ANKRD27: variants seen among roughly 807,000 people sequenced by gnomAD.
The protein encoded by ANKRD27 is ankyrin repeat domain-containing protein 27.
Under a neutral mutation model 129.7 loss-of-function variants are expected in ANKRD27, and 112 were observed. The observed-to-expected ratio is 0.86, with a 90% CI of 0.74 to 1.01. ANKRD27 has a LOEUF of 1.01. Among genes scored for constraint, ANKRD27 ranks in the 50% least tolerant of loss-of-function variants. The pLI is 0.00. For missense variants in ANKRD27, 1,258 were observed against 1,300.5 expected (o/e 0.97, Z 0.50); for synonymous variants, 516 against 511.2 (o/e 1.01, Z -0.13).
At chr19:32,651,462 C>G (rs1967414869) in intron 2 of ANKRD27, among the ~76,000 whole-genome samples, 1 of 152,084 alleles carries the variant, frequency 6.6e-6, no homozygotes, top group Non-Finnish European at 1.5e-5. Flanking sequence ...TTCCGCCTCC[C>G]GGATTCACAC....
chr19:32,643,608 G>C lies in ANKRD27; in HGVS notation c.549C>G (p.Thr183=). ...CCCTCAGAAGCTGCTGGAGGCATTT[G>C]GTGTAGAGAGCATTCGCTGAGTCCT... ...HHIDSANALY[T]KCLQQLLRDS... Residue 183 remains threonine (T), a synonymous_variant, in exon 6 of 29, where the codon ACC becomes ACG. Coordinates refer to ENST00000306065, the MANE Select transcript of ANKRD27 (RefSeq NM_032139.3). 1 of 1,614,008 alleles carries C rather than the reference G, an allele frequency of 6.2e-7. No individual in the cohort carries two copies. The highest frequency in any genetic ancestry group is 8.5e-7 in the Non-Finnish European group (1 of 1,180,034).
At position 32,607,730 on chromosome 19, in the gene ANKRD27, T is replaced by A. The variant is rs770026350; in HGVS notation, c.2278A>T (p.Ile760Phe). The change falls in exon 23 of 29, where the codon ATC (isoleucine) becomes TTC (phenylalanine). Residue 760 changes from isoleucine (I) to phenylalanine (F), a missense_variant. Coordinates refer to ENST00000306065, the MANE Select transcript of ANKRD27 (RefSeq NM_032139.3). ...VAALHGRADL[I>F]PLLLKHGANA... Reference sequence around the variant, plus strand: ...GCCCCGTGCTTCAGCAGGAGGGGGATGAGGTCCGCCCGGCCGTGCAGGGCG... The same window carrying A: ...GCCCCGTGCTTCAGCAGGAGGGGGAAGAGGTCCGCCCGGCCGTGCAGGGCG... 6.2e-7 allele frequency: 1 copy of A among 1,612,990 alleles called. No homozygotes were observed. Among genetic ancestry groups the A allele is most frequent in the Non-Finnish European group, 8.5e-7 (1 of 1,179,658 alleles).
chr19:32,598,304 G>A lies in ANKRD27; in HGVS notation c.2994C>T (p.Gly998=). 6.2e-7 allele frequency: 1 copy of A among 1,614,168 alleles called. No homozygotes were observed. The highest frequency in any genetic ancestry group is 1.1e-5 in the South Asian group (1 of 91,088). ...AQSGSHAAEK[G]NSDWPERPGL... is the part of the protein sequence containing the mutation. ...CAGGCCTCTCTGGCCAGTCGCTGTT[G>A]CCTTTCTCAGCAGCATGAGATCCAC... is the stretch of plus-strand genomic sequence containing the variant. Residue 998 remains glycine (G), a synonymous_variant, in exon 29 of 29, where the codon GGC becomes GGT. Transcript: ENST00000306065.
chr19:32,608,185 T>A (rs4328563), intron 22 of ANKRD27, among the ~76,000 whole-genome samples: 83,098 of 148,812 alleles, frequency 0.56, 24,084 homozygotes, highest in Non-Finnish European at 0.65. Flanking sequence ...TTTTTTTTTT[T>A]TTTTTTGTAG....
At chr19:32,664,179 C>T (rs7248975) in intron 1 of ANKRD27, among the ~76,000 whole-genome samples, 15,581 of 151,264 alleles carry the variant, frequency 0.1, 2,537 homozygotes, top group African/African-American at 0.34. Flanking sequence ...TTTTTAGAGA[C>T]GGGGTCTTGC....
chr19:32,627,166 C>A (rs1966899002), intron 15 of ANKRD27, among the ~76,000 whole-genome samples: 1 of 152,022 alleles, frequency 6.6e-6, no homozygotes, highest in Admixed American at 6.6e-5. Context: ...TAAACATATT[C>A]TTGCATAGTG....
In ANKRD27 at chr19:32,639,495, A is replaced by T; in HGVS notation, c.984-7T>A. ...GTAACTCAAATTTGCCATCCTAATG[A>T]AAGGAAGAAAAAAGTTATGTTGTTG... On this transcript the variant is annotated splice_region_variant and splice_polypyrimidine_tract_variant and intron_variant, in intron 11 of 28. Coordinates refer to ENST00000306065, the MANE Select transcript of ANKRD27 (RefSeq NM_032139.3). 6.2e-7 allele frequency: 1 copy of T among 1,610,832 alleles called. No homozygotes were observed. Among genetic ancestry groups the T allele is most frequent in the South Asian group, 1.1e-5 (1 of 90,598 alleles).
intron 26 of ANKRD27, among the ~76,000 whole-genome samples, chr19:32,600,559 C>T (rs539460969): frequency 2.0e-5 from 3 of 152,152 alleles, no homozygotes; most frequent in South Asian, 4.2e-4. Flanking sequence ...GCTACAAAAT[C>T]CGAGACATTT....
At chr19:32,641,618 T>A (rs543991809) in intron 10 of ANKRD27, among the ~76,000 whole-genome samples, 5 of 152,242 alleles carry the variant, frequency 3.3e-5, no homozygotes, top group African/African-American at 1.2e-4. Flanking sequence ...TAAACAGCTA[T>A]CCCCCATTCT....
chr19:32,633,152 G>A (rs1967028682), intron 12 of ANKRD27, among the ~76,000 whole-genome samples: 1 of 152,136 alleles, frequency 6.6e-6, no homozygotes, highest in South Asian at 2.1e-4. Context: ...AGACAGGTAG[G>A]TCTCCCAAGA....
intron 23 of ANKRD27, among the ~76,000 whole-genome samples, chr19:32,607,203 T>G (rs1971757364): frequency 6.9e-6 from 1 of 144,564 alleles, no homozygotes; most frequent in Non-Finnish European, 1.5e-5. Context: ...AGTTAATCAC[T>G]CCAAAATTCA....
intron 1 of ANKRD27, among the ~76,000 whole-genome samples, chr19:32,673,848 C>T (rs1353446336): frequency 6.6e-6 from 1 of 152,042 alleles, no homozygotes; most frequent in East Asian, 1.9e-4. Flanking sequence ...GATCTCGAAA[C>T]GTAACAGCTA....
chr19:32,613,195 T>TA (rs1229196161), intron 22 of ANKRD27, among the ~76,000 whole-genome samples: 1 of 152,118 alleles, frequency 6.6e-6, no homozygotes, highest in Non-Finnish European at 1.5e-5. Flanking sequence ...CATCAGCCAT[T>TA]AGAGAAATGC....
At chr19:32,643,689 AGCCGGAGCGGGTAAG>A in intron 5 of ANKRD27, 58 bp from the exon 6 acceptor site, 1 of 1,581,526 alleles carries the variant, frequency 6.3e-7, no homozygotes, top group Non-Finnish European at 8.7e-7. Context: ...ATGACGGGGG[AGCCGGAGCGGGTAAG>A]GCGCACAGAG....
chr19:32,671,936 T>C (rs1967878312), intron 1 of ANKRD27, among the ~76,000 whole-genome samples: 2 of 152,164 alleles, frequency 1.3e-5, no homozygotes, highest in African/African-American at 2.4e-5. Flanking sequence ...AGGAGAGCCA[T>C]GTGAGGCCTC....
chr19:32,656,067 G>GAAAAGAAAGA (rs145882665), intron 2 of ANKRD27, among the ~76,000 whole-genome samples: 43 of 50,826 alleles, frequency 8.5e-4, no homozygotes, highest in South Asian at 7.7e-3. Context: ...AGAAAAGAAA[G>GAAAAGAAAGA]AAAGAAAGAA....
At chr19:32,614,423 G>A (rs1161858405) in intron 22 of ANKRD27, among the ~76,000 whole-genome samples, 1 of 152,052 alleles carries the variant, frequency 6.6e-6, no homozygotes, top group Non-Finnish European at 1.5e-5. Flanking sequence ...GAACAAGGAG[G>A]CCAGGCGCAG....
chr19:32,648,079 A>G (rs1429672355), intron 3 of ANKRD27, among the ~76,000 whole-genome samples: 1 of 152,142 alleles, frequency 6.6e-6, no homozygotes, highest in Non-Finnish European at 1.5e-5. Flanking sequence ...CAGCCTGGCT[A>G]ATATGGTGAA....
chr19:32,606,060 A>C (rs1971730182), intron 23 of ANKRD27, 106 bp from the exon 24 acceptor site: 1 of 1,081,912 alleles, frequency 9.2e-7, no homozygotes, highest in East Asian at 3.4e-5. Context: ...ATAAGAAAAC[A>C]AAGTTTCTGG....
Sources: gnomAD v4.1 joint callset for allele counts (sites outside exome capture counted in the v4.1 genomes callset) on GRCh38, gnomAD v4.1.1 for gene constraint, MANE v1.5 for transcripts, NCBI Gene and HGNC (gene_info 2026-07-23, HGNC 2026-07-21) for gene names.